Variants in TACR1 observed in about 807,000 individuals in gnomAD.
TACR1 encodes the protein tachykinin receptor 1.
A neutral mutation model predicts 35.8 loss-of-function variants in TACR1; 25 were observed. The observed-to-expected ratio is 0.70, with a 90% CI of 0.51 to 0.98. TACR1 has a LOEUF of 0.98. Ranked by LOEUF, TACR1 falls within the 50% of genes least tolerant of loss-of-function variation. The pLI is 0.00. For missense variants in TACR1, 478 were observed against 522.9 expected (o/e 0.91, Z 0.84); for synonymous variants, 195 against 206.7 (o/e 0.94, Z 0.48).
intron 2 of TACR1, among the ~76,000 whole-genome samples, chr2:75,115,340 A>G (rs992673343): frequency 4.6e-5 from 7 of 152,082 alleles, no homozygotes; most frequent in Non-Finnish European, 7.4e-5. Context: ...TTGATGATAT[A>G]CTTTGCTGGT....
intron 1 of TACR1, among the ~76,000 whole-genome samples, chr2:75,149,227 C>G (rs542013617): frequency 1.3e-5 from 2 of 152,078 alleles, no homozygotes. Context: ...TATACGGGCT[C>G]TTTTTTGGTT....
chr2:75,116,956 T>C (rs1443784968), intron 2 of TACR1, among the ~76,000 whole-genome samples: 1 of 152,224 alleles, frequency 6.6e-6, no homozygotes, highest in Non-Finnish European at 1.5e-5. Flanking sequence ...TTTATACTTC[T>C]TCTAGCAGTT....
intron 2 of TACR1, among the ~76,000 whole-genome samples, chr2:75,110,707 A>G (rs1232332625): frequency 6.6e-6 from 1 of 151,826 alleles, no homozygotes; most frequent in East Asian, 1.9e-4. Context: ...TAACAGTTGT[A>G]TAGTTTTTTG....
intron 1 of TACR1, among the ~76,000 whole-genome samples, chr2:75,178,465 G>C (rs1045844988): frequency 2.4e-4 from 36 of 151,748 alleles, no homozygotes; most frequent in Admixed American, 2.4e-3. Context: ...GATTACAGGC[G>C]TGAGCCACTG....
rs139616862 is a variant in TACR1, at chr2:75,058,056, C to T, written c.585-4301G>A. On this transcript the variant is annotated intron_variant, in intron 2 of 4. Coordinates refer to ENST00000305249, the MANE Select transcript of TACR1 (RefSeq NM_001058.4). ...CTGAAAAATAAAAGGCAGATTTGAT[C>T]CTTGGATGAGATAAAAGGTTAAACA... is the stretch of plus-strand genomic sequence containing the variant. Among the ~76,000 whole-genome samples the T allele has an allele frequency of 1.4e-3, 210 of 152,238 alleles. 2 individuals carry two copies. Among genetic ancestry groups the T allele is most frequent in the African/African-American group, 4.2e-3 (174 of 41,560 alleles).
intron 1 of TACR1, among the ~76,000 whole-genome samples, chr2:75,126,326 G>A (rs766807991): frequency 7.9e-5 from 12 of 152,174 alleles, no homozygotes; most frequent in Admixed American, 3.3e-4. Flanking sequence ...AATCCCATCT[G>A]TCATTGATGG....
At chr2:75,059,497 G>C (rs1346376274) in intron 2 of TACR1, among the ~76,000 whole-genome samples, 1 of 152,170 alleles carries the variant, frequency 6.6e-6, no homozygotes, top group African/African-American at 2.4e-5. Context: ...TTGGCCTGCA[G>C]TGCAGCTTTG....
At chr2:75,190,868 A>G (rs747668406) in intron 1 of TACR1, among the ~76,000 whole-genome samples, 9 of 152,192 alleles carry the variant, frequency 5.9e-5, no homozygotes, top group Non-Finnish European at 1.2e-4. Flanking sequence ...AAGACATGAA[A>G]GGCACTCAAC....
At chr2:75,191,343 C>T (rs1675841340) in intron 1 of TACR1, among the ~76,000 whole-genome samples, 1 of 152,124 alleles carries the variant, frequency 6.6e-6, no homozygotes, top group Admixed American at 6.5e-5. Context: ...GGAGAGAGTG[C>T]ACCTGCTGCT....
At chr2:75,051,672 T>C (rs1447174474) in intron 3 of TACR1, among the ~76,000 whole-genome samples, 1 of 152,200 alleles carries the variant, frequency 6.6e-6, no homozygotes, top group African/African-American at 2.4e-5. Context: ...ATCATCACCA[T>C]CCCCTCAGAG....
At chr2:75,076,732 C>G (rs1044229513) in intron 2 of TACR1, among the ~76,000 whole-genome samples, 1 of 152,276 alleles carries the variant, frequency 6.6e-6, no homozygotes, top group East Asian at 1.9e-4. Flanking sequence ...CAACGTTAGC[C>G]AAGGTGCTGC....
chr2:75,194,244 A>C (rs180713090), intron 1 of TACR1, among the ~76,000 whole-genome samples: 1 of 152,270 alleles, frequency 6.6e-6, no homozygotes, highest in East Asian at 1.9e-4. Flanking sequence ...CTGAAATCTA[A>C]ATGACCCATC....
chr2:75,088,381 G>T (rs895518215), intron 2 of TACR1, among the ~76,000 whole-genome samples: 1 of 152,052 alleles, frequency 6.6e-6, no homozygotes, highest in Non-Finnish European at 1.5e-5. Flanking sequence ...CTTTTTATTT[G>T]CTGTCATGAG....
chr2:75,094,991 G>C (rs1572927068), intron 2 of TACR1, among the ~76,000 whole-genome samples: 1 of 151,708 alleles, frequency 6.6e-6, no homozygotes, highest in South Asian at 2.1e-4. Flanking sequence ...AAGTATGAGA[G>C]TCCTCTGAGG....
chr2:75,186,294 C>T (rs1438488298), intron 1 of TACR1, among the ~76,000 whole-genome samples: 2 of 147,884 alleles, frequency 1.4e-5, no homozygotes, highest in Admixed American at 7.0e-5. Context: ...AATGCTTGAA[C>T]CTGGGAGGCG....
chr2:75,080,879 T>C (rs931679071), intron 2 of TACR1, among the ~76,000 whole-genome samples: 2 of 152,200 alleles, frequency 1.3e-5, no homozygotes, highest in African/African-American at 4.8e-5. Flanking sequence ...AAATACTTCT[T>C]AAACCATCTC....
At chr2:75,120,424 C>T in intron 2 of TACR1, 150 bp downstream of exon 2, 1 of 640,626 alleles carries the variant, frequency 1.6e-6, no homozygotes, top group Non-Finnish European at 2.6e-6. Flanking sequence ...GACATATCAA[C>T]CTGATATGAG....
rs1382361793 is a variant in TACR1 at position 75,125,100 on chromosome 2, T to C, written c.390-4332A>G. On this transcript the variant is annotated intron_variant, in intron 1 of 4. Transcript: ENST00000305249. ...TTGTGGCTGTGTTTGTTGCCTGCCT[T>C]TACTGCTGTGAAGATCTCTAAACCT... Among the ~76,000 whole-genome samples, 7 of 152,220 alleles carry C rather than the reference T, an allele frequency of 4.6e-5. No individual in the cohort carries two copies. In the South Asian group the frequency reaches 1.4e-3, roughly 31 times the overall value.
intron 1 of TACR1, among the ~76,000 whole-genome samples, chr2:75,190,316 G>A (rs1383812669): frequency 6.6e-6 from 1 of 152,202 alleles, no homozygotes; most frequent in Non-Finnish European, 1.5e-5. Context: ...TGGGTTTTCT[G>A]GACCATGATA....
Sources: gnomAD v4.1 joint callset for allele counts (sites outside exome capture counted in the v4.1 genomes callset) on GRCh38, gnomAD v4.1.1 for gene constraint, MANE v1.5 for transcripts, NCBI Gene and HGNC (gene_info 2026-07-23, HGNC 2026-07-21) for gene names.